The following TJP1 variants were observed in gnomAD, a reference collection of about 807,000 sequenced individuals.
TJP1 encodes tight junction protein ZO-1.
Under a neutral mutation model 194.2 loss-of-function variants are expected in TJP1, and 43 were observed. That is an observed-to-expected ratio of 0.22 (90% CI 0.17 to 0.29). The LOEUF (loss-of-function observed/expected upper bound fraction) is 0.29. Among genes scored for constraint, TJP1 ranks in the 10% least tolerant of loss-of-function variants. The probability of loss-of-function intolerance (pLI) is 1.00; values close to 1 mark genes in which losing one functional copy is unlikely to be tolerated. For missense variants in TJP1, 1,971 were observed against 2,185.7 expected (o/e 0.90, Z 1.96); for synonymous variants, 801 against 779.0 (o/e 1.03, Z -0.47).
chr15:29,703,621 A>C lies in TJP1; in HGVS notation c.5212+541T>G, dbSNP rs570460581. ...TAAATCATTTTTCTGAACACCAAGA[A>C]ATAGTCAATATTTGGCCATATTATC... On this transcript the variant is annotated intron_variant, in intron 27 of 27. Coordinates refer to ENST00000614355, the MANE Select transcript of TJP1 (RefSeq NM_001330239.4). 4.6e-5 allele frequency among the ~76,000 whole-genome samples: 7 copies of C among 152,128 alleles called. No individual in the cohort carries two copies. The East Asian group carries it at 1.4e-3, about 30-fold the overall frequency.
intron 2 of TJP1, among the ~76,000 whole-genome samples, chr15:29,912,009 G>A (rs2054030910): frequency 6.6e-6 from 1 of 152,202 alleles, no homozygotes; most frequent in Non-Finnish European, 1.5e-5. Flanking sequence ...CACAGACTGG[G>A]TGGCTTTAAC....
chr15:29,822,448 C>G lies in TJP1; in HGVS notation c.-420G>C, dbSNP rs1359096058. 3 of 986,698 alleles carry G rather than the reference C, an allele frequency of 3.0e-6. No individual in the cohort carries two copies. The highest frequency in any genetic ancestry group is 1.7e-5 in the African/African-American group (1 of 57,262). 61.1% of individuals were successfully genotyped at this position (986,698 alleles called of 1,614,324 possible). A position where few individuals can be genotyped will look rare whatever the true frequency, so the allele number is the denominator to read the frequency against. On this transcript the variant is annotated 5_prime_UTR_variant, in exon 1 of 28. Transcript: ENST00000614355. The stretch of plus-strand genomic sequence containing the variant: ...ACGCGGCGTCCGCTGGCTCAGCCGG[C>G]GCCGGCAACTCAGCGGCCACGCAAA...
At chr15:29,791,761 T>C (rs1427740593) in intron 2 of TJP1, among the ~76,000 whole-genome samples, 8 of 152,188 alleles carry the variant, frequency 5.3e-5, no homozygotes, top group Non-Finnish European at 1.0e-4. Flanking sequence ...AGTTCTCTTT[T>C]TTCTGCCTGC....
intron 1 of TJP1, among the ~76,000 whole-genome samples, chr15:29,965,761 C>T (rs533598821): frequency 5.3e-5 from 8 of 152,312 alleles, no homozygotes; most frequent in African/African-American, 1.9e-4. Flanking sequence ...ACAATGTTCT[C>T]CAACTTAAGA....
chr15:29,906,810 C>G (rs1397934474), intron 2 of TJP1, among the ~76,000 whole-genome samples: 1 of 151,832 alleles, frequency 6.6e-6, no homozygotes, highest in Non-Finnish European at 1.5e-5. Context: ...GAACTCCTGA[C>G]CTCAAGTGAT....
intron 15 of TJP1, among the ~76,000 whole-genome samples, chr15:29,730,440 A>ATAC (rs1427267521): frequency 1.3e-5 from 2 of 151,624 alleles, no homozygotes; most frequent in African/African-American, 4.9e-5. Flanking sequence ...AATAATAATA[A>ATAC]TAATAAACTA....
chr15:29,766,234 T>G, intron 5 of TJP1, 32 bp downstream of exon 5: 2 of 1,584,342 alleles, frequency 1.3e-6, no homozygotes, highest in Non-Finnish European at 8.6e-7. Context: ...AATTTTCATG[T>G]GAAAAAAACA....
At chr15:29,707,793 T>C (rs147083099) in intron 25 of TJP1, among the ~76,000 whole-genome samples, 5 of 152,362 alleles carry the variant, frequency 3.3e-5, no homozygotes, top group East Asian at 3.9e-4. Flanking sequence ...CTTAGCATCA[T>C]TGTGGAACAA....
rs924469906 is a variant in TJP1 at position 29,716,894 on chromosome 15, G to A, written c.3975-56C>T. 27 of 1,433,626 alleles carry A rather than the reference G, an allele frequency of 1.9e-5. No individual in the cohort carries two copies. The African/African-American group carries it at 3.7e-4, about 20-fold the overall frequency. 88.8% of individuals were successfully genotyped at this position (1,433,626 alleles called of 1,614,324 possible). A position where few individuals can be genotyped will look rare whatever the true frequency, so the allele number is the denominator to read the frequency against. ...CTTTTTAAATATTAATGTTATGAAG[G>A]AAGTAGAATATGTAAGTCTTATCTT... On this transcript the variant is annotated intron_variant, in intron 22 of 27. Transcript: ENST00000614355.
chr15:29,738,483 G>A (rs1360777028), intron 10 of TJP1, among the ~76,000 whole-genome samples: 1 of 152,050 alleles, frequency 6.6e-6, no homozygotes, highest in Non-Finnish European at 1.5e-5. Flanking sequence ...ATTCATTTCT[G>A]ATTGGGTTAC....
intron 2 of TJP1, among the ~76,000 whole-genome samples, chr15:29,880,731 A>G (rs1026768609): frequency 6.6e-6 from 1 of 152,248 alleles, no homozygotes. Flanking sequence ...ACTTAGAATA[A>G]TGTCCTCCAG....
At position 29,720,024 on chromosome 15, in the gene TJP1, G is replaced by A. The variant is rs1212476400; in HGVS notation, c.2764-8C>T. 1 of 1,594,172 alleles carries A rather than the reference G, an allele frequency of 6.3e-7. No homozygotes were observed. The highest frequency in any genetic ancestry group is 2.2e-5 in the East Asian group (1 of 44,782). ...AGATGAAGCTTCTGCTTTCTGTGAA[G>A]TGTTTAAAATATTTTAAATATAGTG... On this transcript the variant is annotated splice_polypyrimidine_tract_variant and splice_region_variant and intron_variant, in intron 19 of 27. Transcript: ENST00000614355.
rs775957911 is a variant in TJP1, at chr15:29,742,700, A to C, written c.1092T>G (p.Pro364=). ...TPVKHADDHT[P]KTVEEVTVER... ...CAACTGTAACTTCTTCCACTGTTTT[A>C]GGTGTGTGATCATCAGCATGCTTTA... Residue 364 remains proline (P), a synonymous_variant, in exon 9 of 28, where the codon CCT becomes CCG. Transcript: ENST00000614355. The C allele has an allele frequency of 6.2e-7, 1 of 1,604,150 alleles. No homozygotes were observed.
intron 1 of TJP1, among the ~76,000 whole-genome samples, chr15:29,964,995 A>G (rs1468551152): frequency 6.6e-6 from 1 of 152,206 alleles, no homozygotes; most frequent in East Asian, 1.9e-4. Flanking sequence ...GAGATATTGC[A>G]CAAAGAAAAA....
chr15:29,809,339 C>G (rs1351333687), intron 1 of TJP1, among the ~76,000 whole-genome samples: 1 of 152,128 alleles, frequency 6.6e-6, no homozygotes, highest in Non-Finnish European at 1.5e-5. Flanking sequence ...TACAGTGGGC[C>G]AACCACCATT....
chr15:29,942,798 G>A (rs1166695639), intron 2 of TJP1, among the ~76,000 whole-genome samples: 1 of 152,228 alleles, frequency 6.6e-6, no homozygotes, highest in East Asian at 1.9e-4. Flanking sequence ...GTGAACTGGG[G>A]CTGGCAAGGG....
At chr15:29,862,338 G>A (rs1324313113) in intron 2 of TJP1, among the ~76,000 whole-genome samples, 2 of 152,142 alleles carry the variant, frequency 1.3e-5, no homozygotes, top group Admixed American at 1.3e-4. Flanking sequence ...AGTACAACAT[G>A]GGATGTTCAG....
chr15:29,708,329 GGAT>G (rs1415193413), intron 25 of TJP1, among the ~76,000 whole-genome samples: 1 of 152,094 alleles, frequency 6.6e-6, no homozygotes, highest in Admixed American at 6.5e-5. Context: ...AGTAAAACAG[GGAT>G]GATGACAATA....
chr15:29,826,868 G>T (rs915003559), upstream of TJP1, among the ~76,000 whole-genome samples: 3 of 152,146 alleles, frequency 2.0e-5, no homozygotes, highest in African/African-American at 7.2e-5. Context: ...TTTTGGATGT[G>T]TGTTTTGTAA....
Sources: gnomAD v4.1 joint callset for allele counts (sites outside exome capture counted in the v4.1 genomes callset) on GRCh38, gnomAD v4.1.1 for gene constraint, MANE v1.5 for transcripts, NCBI Gene and HGNC (gene_info 2026-07-23, HGNC 2026-07-21) for gene names.